Variants in FARP1 observed in about 807,000 individuals in gnomAD.
FARP1 encodes the protein FERM, ARH/RhoGEF and pleckstrin domain protein 1.
A neutral mutation model predicts 128.8 loss-of-function variants in FARP1; 52 were observed. The observed-to-expected ratio is 0.40, with a 90% CI of 0.32 to 0.51. The LOEUF (loss-of-function observed/expected upper bound fraction) is 0.51, where lower values mean the gene tolerates loss of function less well. Ranked by LOEUF, FARP1 falls within the 20% of genes least tolerant of loss-of-function variation. The probability of loss-of-function intolerance (pLI) is 0.45; values close to 1 mark genes in which losing one functional copy is unlikely to be tolerated. For missense variants in FARP1, 1,333 were observed against 1,367.9 expected (o/e 0.97, Z 0.40); for synonymous variants, 580 against 551.8 (o/e 1.05, Z -0.72).
intron 1 of FARP1, among the ~76,000 whole-genome samples, chr13:98,201,743 T>C (rs1879962830): frequency 6.6e-6 from 1 of 152,218 alleles, no homozygotes; most frequent in African/African-American, 2.4e-5. Context: ...TTGTCAGGGT[T>C]ATTTAAGATA....
At chr13:98,339,716 T>C (rs1051297340) in intron 2 of FARP1, among the ~76,000 whole-genome samples, 5 of 152,202 alleles carry the variant, frequency 3.3e-5, no homozygotes, top group Non-Finnish European at 1.5e-5. Context: ...CCTATAAAAA[T>C]TTGGTGCCAA....
intron 1 of FARP1, among the ~76,000 whole-genome samples, chr13:98,156,257 TAA>T (rs1459840751): frequency 2.8e-4 from 42 of 152,346 alleles, no homozygotes; most frequent in Admixed American, 2.7e-3. Context: ...TGGCAATTTA[TAA>T]AAGACTTAAG....
At chr13:98,205,035 G>T (rs1250547449) in intron 1 of FARP1, among the ~76,000 whole-genome samples, 9 of 152,142 alleles carry the variant, frequency 5.9e-5, no homozygotes, top group African/African-American at 2.2e-4. Context: ...AATTCTTTGA[G>T]GATGTTTTTG....
chr13:98,201,977 A>T (rs1328598763), intron 1 of FARP1, among the ~76,000 whole-genome samples: 1 of 152,218 alleles, frequency 6.6e-6, no homozygotes, highest in African/African-American at 2.4e-5. Flanking sequence ...AAAACAGTTG[A>T]TCTGCAGTTG....
intron 1 of FARP1, among the ~76,000 whole-genome samples, chr13:98,209,115 T>G (rs1489410799): frequency 2.6e-5 from 4 of 152,130 alleles, no homozygotes; most frequent in African/African-American, 9.7e-5. Context: ...TTCACGCCAT[T>G]CTCCTGCCTC....
chr13:98,161,470 G>T (rs1876880781), intron 1 of FARP1, among the ~76,000 whole-genome samples: 1 of 152,072 alleles, frequency 6.6e-6, no homozygotes, highest in Non-Finnish European at 1.5e-5. Flanking sequence ...GCCCGCCTCG[G>T]CCTTCCAAAG....
chr13:98,355,584 C>G (rs1000200975), intron 3 of FARP1, among the ~76,000 whole-genome samples: 63 of 152,296 alleles, frequency 4.1e-4, no homozygotes, highest in African/African-American at 1.5e-3. Flanking sequence ...TACGTTTCAA[C>G]AAGCCCTTAC....
At chr13:98,421,217 A>G (rs1891581308) in intron 16 of FARP1, among the ~76,000 whole-genome samples, 1 of 152,216 alleles carries the variant, frequency 6.6e-6, no homozygotes, top group Non-Finnish European at 1.5e-5. Context: ...CGGATGTGGG[A>G]AGGAAGGTTC....
chr13:98,147,781 C>T (rs371036170), intron 1 of FARP1, among the ~76,000 whole-genome samples: 28 of 151,912 alleles, frequency 1.8e-4, no homozygotes, highest in Non-Finnish European at 3.5e-4. Context: ...CTCAGTCTCC[C>T]GAGTAGCTGT....
At chr13:98,216,403 C>G (rs1486770203) in intron 2 of FARP1, among the ~76,000 whole-genome samples, 1 of 152,170 alleles carries the variant, frequency 6.6e-6, no homozygotes, top group African/African-American at 2.4e-5. Context: ...GGCCAAGTGT[C>G]TGACCCTGGA....
Position 98,453,068 on chromosome 13 carries a change from C to G in FARP1, c.*4751C>G. 1 of 1,360,196 alleles carries G rather than the reference C, an allele frequency of 7.4e-7. No homozygotes were observed. Among genetic ancestry groups the G allele is most frequent in the Non-Finnish European group, 1.0e-6 (1 of 973,088 alleles). 84.3% of individuals were successfully genotyped at this position (1,360,196 alleles called of 1,614,324 possible). ...CTGGCGCTGGGGTGGCTCCCAGTGG[C>G]GCACCTCTTCGGTGGAGTCAGCGAA... On this transcript the variant is annotated 3_prime_UTR_variant, in exon 27 of 27. Transcript: ENST00000319562.
intron 1 of FARP1, among the ~76,000 whole-genome samples, chr13:98,179,716 G>T (rs539996475): frequency 3.9e-5 from 6 of 152,088 alleles, no homozygotes; most frequent in South Asian, 2.1e-4. Context: ...AATTAGCTGG[G>T]CGTGGTGGCG....
At chr13:98,366,063 T>C (rs1889070961) in intron 4 of FARP1, among the ~76,000 whole-genome samples, 1 of 152,164 alleles carries the variant, frequency 6.6e-6, no homozygotes. Context: ...TGTCTTCCCC[T>C]CTCTATGCTT....
At chr13:98,347,804 C>T (rs1888243316) in intron 3 of FARP1, among the ~76,000 whole-genome samples, 1 of 152,188 alleles carries the variant, frequency 6.6e-6, no homozygotes, top group South Asian at 2.1e-4. Flanking sequence ...TGAGAAAAAG[C>T]ATGGTTGGTT....
intron 19 of FARP1, among the ~76,000 whole-genome samples, chr13:98,437,214 A>G (rs1328261719): frequency 6.6e-6 from 1 of 152,250 alleles, no homozygotes; most frequent in Non-Finnish European, 1.5e-5. Flanking sequence ...ATTTTGCTCT[A>G]TCACACACTG....
At chr13:98,187,540 G>C (rs894202750) in intron 1 of FARP1, among the ~76,000 whole-genome samples, 2 of 152,178 alleles carry the variant, frequency 1.3e-5, no homozygotes, top group African/African-American at 4.8e-5. Flanking sequence ...TGTGTCCTGG[G>C]GAGAAATAGA....
intron 2 of FARP1, among the ~76,000 whole-genome samples, chr13:98,310,237 C>G (rs1566861662): frequency 2.0e-5 from 3 of 152,274 alleles, no homozygotes; most frequent in East Asian, 3.9e-4. Flanking sequence ...CCCATCACTC[C>G]AGAGAGGCAG....
intron 1 of FARP1, chr13:98,177,231 T>G: frequency 6.5e-7 from 1 of 1,550,330 alleles, no homozygotes; most frequent in South Asian, 1.2e-5. Context: ...AAGGTGGCGC[T>G]GCCATGTTTG....
intron 16 of FARP1, among the ~76,000 whole-genome samples, chr13:98,420,408 A>C (rs1891550525): frequency 6.6e-6 from 1 of 152,092 alleles, no homozygotes; most frequent in Non-Finnish European, 1.5e-5. Context: ...GGTCATTTTC[A>C]TGTCCTTTAC....
Sources: allele counts gnomAD v4.1 joint callset (sites outside exome capture counted in the v4.1 genomes callset), GRCh38; gene constraint gnomAD v4.1.1; transcripts MANE v1.5; gene names NCBI Gene and HGNC (gene_info 2026-07-23, HGNC 2026-07-21).